TENM4: variants seen among roughly 807,000 people sequenced by gnomAD.
TENM4 encodes the protein teneurin-4.
A neutral mutation model predicts 243.3 loss-of-function variants in TENM4; 82 were observed. That is an observed-to-expected ratio of 0.34 (90% CI 0.28 to 0.40). The LOEUF is 0.40. TENM4 is among the 10% of genes least tolerant of loss of function. TENM4 has a pLI of 1.00. For synonymous variants in TENM4, 1,412 were observed against 1,456.3 expected (o/e 0.97, Z 0.69); for missense variants, 3,138 against 3,673.3 (o/e 0.85, Z 3.77).
intron 3 of TENM4, among the ~76,000 whole-genome samples, chr11:79,199,775 G>A (rs1010004193): frequency 1.3e-5 from 2 of 152,180 alleles, no homozygotes; most frequent in South Asian, 2.1e-4. Context: ...GTCCCGGAGG[G>A]TTTAGTCCCA....
intron 6 of TENM4, among the ~76,000 whole-genome samples, chr11:78,906,022 G>A (rs1856055889): frequency 6.6e-6 from 1 of 152,244 alleles, no homozygotes; most frequent in Non-Finnish European, 1.5e-5. Context: ...AGAGCAGTGG[G>A]AGGCAGTGGC....
chr11:78,891,654 T>C (rs543811053), intron 7 of TENM4, among the ~76,000 whole-genome samples: 27 of 152,252 alleles, frequency 1.8e-4, no homozygotes, highest in Admixed American at 6.5e-5. Flanking sequence ...ATCTTCAAAA[T>C]GGCTATGTGA....
At chr11:79,406,044 T>G (rs1382521391) in intron 1 of TENM4, among the ~76,000 whole-genome samples, 3 of 152,106 alleles carry the variant, frequency 2.0e-5, no homozygotes, top group Non-Finnish European at 4.4e-5. Context: ...CTTTGATGGT[T>G]CCAGCCTTAA....
chr11:78,730,523 G>T (rs571746141), intron 21 of TENM4, among the ~76,000 whole-genome samples: 3 of 152,170 alleles, frequency 2.0e-5, no homozygotes, highest in Non-Finnish European at 4.4e-5. Flanking sequence ...ACAGAGTGGG[G>T]AAGGCTATGA....
chr11:78,962,183 T>G (rs537534538), intron 6 of TENM4: 1 of 152,516 alleles, frequency 6.6e-6, no homozygotes, highest in East Asian at 2.0e-4. Flanking sequence ...CACTTTTAAC[T>G]AAGAATGAAT....
chr11:78,900,389 G>A (rs1246924966), intron 7 of TENM4, among the ~76,000 whole-genome samples: 1 of 152,174 alleles, frequency 6.6e-6, no homozygotes, highest in Non-Finnish European at 1.5e-5. Context: ...GCCATCACTT[G>A]TACCCTCAGA....
At chr11:79,153,211 T>C (rs995759296) in intron 3 of TENM4, among the ~76,000 whole-genome samples, 1 of 152,188 alleles carries the variant, frequency 6.6e-6, no homozygotes, top group African/African-American at 2.4e-5. Context: ...TTATAAAATG[T>C]CAGTAATGAG....
intron 6 of TENM4, among the ~76,000 whole-genome samples, chr11:78,941,947 C>T (rs1856905090): frequency 6.6e-6 from 1 of 151,968 alleles, no homozygotes; most frequent in Non-Finnish European, 1.5e-5. Context: ...GGGCTAGACA[C>T]ACTGAGGACA....
At chr11:79,228,720 C>T (rs1331684724) in intron 2 of TENM4, among the ~76,000 whole-genome samples, 1 of 152,046 alleles carries the variant, frequency 6.6e-6, no homozygotes, top group Admixed American at 6.5e-5. Flanking sequence ...AAAAAAGTCT[C>T]CTGTTTTTTA....
intron 1 of TENM4, among the ~76,000 whole-genome samples, chr11:79,389,915 C>T (rs1264630039): frequency 2.0e-5 from 3 of 152,230 alleles, no homozygotes; most frequent in African/African-American, 4.8e-5. Context: ...AAAATATTTA[C>T]TACCTGGCCC....
In TENM4 at chr11:79,364,067, C is replaced by T. The variant is rs1351190213; in HGVS notation, c.-320-66524G>A. Among the ~76,000 whole-genome samples, 4 of 152,182 alleles carry T rather than the reference C, an allele frequency of 2.6e-5. No individual in the cohort carries two copies. The East Asian group carries it at 7.7e-4, about 29-fold the overall frequency. On this transcript the variant is annotated intron_variant, in intron 1 of 33. Transcript: ENST00000278550. Reference sequence around the variant, plus strand: ...TCATATTCCCAGAGATGAATGGTTACTTTGCTGATCGAGATGGAAAAATGC... The same window carrying T: ...TCATATTCCCAGAGATGAATGGTTATTTTGCTGATCGAGATGGAAAAATGC...
chr11:79,083,185 G>A (rs1860720607), intron 4 of TENM4, among the ~76,000 whole-genome samples: 1 of 152,204 alleles, frequency 6.6e-6, no homozygotes, highest in African/African-American at 2.4e-5. Context: ...CTGGGGTGGA[G>A]GTGGGGCAGG....
intron 1 of TENM4, among the ~76,000 whole-genome samples, chr11:79,377,829 C>T (rs560570876): frequency 5.9e-5 from 9 of 152,188 alleles, no homozygotes; most frequent in South Asian, 2.1e-4. Context: ...AAAGCTATAA[C>T]GTCCTAGAAA....
chr11:79,029,587 G>C (rs184439336), intron 6 of TENM4, among the ~76,000 whole-genome samples: 2 of 152,264 alleles, frequency 1.3e-5, no homozygotes, highest in East Asian at 3.9e-4. Context: ...AGAGCCCCTG[G>C]GGGAGTGGAA....
At chr11:79,007,255 TA>T (rs1189986049) in intron 6 of TENM4, among the ~76,000 whole-genome samples, 3 of 152,196 alleles carry the variant, frequency 2.0e-5, no homozygotes, top group African/African-American at 7.2e-5. Context: ...AGTATGGAAA[TA>T]TTCTGTGATA....
chr11:79,330,956 T>G (rs1455630785), intron 1 of TENM4, among the ~76,000 whole-genome samples: 1 of 152,128 alleles, frequency 6.6e-6, no homozygotes, highest in African/African-American at 2.4e-5. Flanking sequence ...CACCAAGATC[T>G]GCAGATGAAA....
intron 1 of TENM4, among the ~76,000 whole-genome samples, chr11:79,315,046 C>T (rs1001801992): frequency 1.3e-5 from 2 of 152,148 alleles, no homozygotes; most frequent in African/African-American, 4.8e-5. Flanking sequence ...GTGGTAGGAA[C>T]ACAGATGAAG....
intron 2 of TENM4, among the ~76,000 whole-genome samples, chr11:79,240,038 G>A (rs1864560210): frequency 6.6e-6 from 1 of 152,150 alleles, no homozygotes; most frequent in East Asian, 1.9e-4. Context: ...AAACTATGGT[G>A]GTAAAGTGCT....
chr11:79,150,808 G>A (rs1201691976), intron 3 of TENM4, among the ~76,000 whole-genome samples: 1 of 152,084 alleles, frequency 6.6e-6, no homozygotes, highest in East Asian at 1.9e-4. Context: ...AATTTAATTA[G>A]AAGTGTTTTT....
Sources: allele counts gnomAD v4.1 joint callset (sites outside exome capture counted in the v4.1 genomes callset), GRCh38; gene constraint gnomAD v4.1.1; transcripts MANE v1.5; gene names NCBI Gene and HGNC (gene_info 2026-07-23, HGNC 2026-07-21).